Variants in ARHGAP15 observed in about 807,000 individuals in gnomAD.
ARHGAP15 encodes the protein rho GTPase-activating protein 15.
Under a neutral mutation model 63.7 loss-of-function variants are expected in ARHGAP15, and 51 were observed. That is an observed-to-expected ratio of 0.80 (90% CI 0.64 to 1.01). The LOEUF is 1.01. Among genes scored for constraint, ARHGAP15 ranks in the 50% least tolerant of loss-of-function variants. The pLI is 0.00. For synonymous variants in ARHGAP15, 191 were observed against 193.8 expected (o/e 0.99, Z 0.12); for missense variants, 560 against 564.6 (o/e 0.99, Z 0.08).
At chr2:143,286,195 T>C (rs1682089322) in intron 6 of ARHGAP15, among the ~76,000 whole-genome samples, 1 of 152,214 alleles carries the variant, frequency 6.6e-6, no homozygotes, top group Non-Finnish European at 1.5e-5. Context: ...TATTGTACTT[T>C]TAATGATGAG....
chr2:143,392,287 T>C (rs918766911), intron 6 of ARHGAP15, among the ~76,000 whole-genome samples: 4 of 152,182 alleles, frequency 2.6e-5, no homozygotes, highest in African/African-American at 7.2e-5. Flanking sequence ...TAAATAAGTA[T>C]ATAATAGAAA....
At chr2:143,318,630 A>C (rs553788244) in intron 6 of ARHGAP15, among the ~76,000 whole-genome samples, 1 of 142,910 alleles carries the variant, frequency 7.0e-6, no homozygotes, top group East Asian at 2.1e-4. Flanking sequence ...CAAGTCTTTT[A>C]ATCTTCATTG....
intron 5 of ARHGAP15, among the ~76,000 whole-genome samples, chr2:143,232,299 A>G (rs1693478068): frequency 6.6e-6 from 1 of 152,168 alleles, no homozygotes; most frequent in Non-Finnish European, 1.5e-5. Flanking sequence ...TATCAGAATA[A>G]AAGACACCCT....
intron 6 of ARHGAP15, among the ~76,000 whole-genome samples, chr2:143,411,228 A>T (rs1397139428): frequency 1.1e-5 from 1 of 90,438 alleles, no homozygotes; most frequent in Non-Finnish European, 2.4e-5. Flanking sequence ...GAAAGAAAAT[A>T]TAGTAGGAAA....
chr2:143,389,134 ATT>A (rs869247380), intron 6 of ARHGAP15, among the ~76,000 whole-genome samples: 3 of 138,576 alleles, frequency 2.2e-5, no homozygotes, highest in African/African-American at 7.8e-5. Context: ...TATTATTATT[ATT>A]TTTTATTATT....
chr2:143,758,034 T>C (rs902001949), intron 13 of ARHGAP15, among the ~76,000 whole-genome samples: 1 of 151,988 alleles, frequency 6.6e-6, no homozygotes, highest in Non-Finnish European at 1.5e-5. Flanking sequence ...TTGTCTGTAA[T>C]AGCAAAGAAT....
At chr2:143,353,989 G>T in intron 6 of ARHGAP15, among the ~76,000 whole-genome samples, 1 of 144,396 alleles carries the variant, frequency 6.9e-6, no homozygotes. Context: ...TACCTGTTCA[G>T]GTATTTTTTT....
At chr2:143,350,769 G>A (rs1440544371) in intron 6 of ARHGAP15, among the ~76,000 whole-genome samples, 5 of 147,344 alleles carry the variant, frequency 3.4e-5, no homozygotes, top group Admixed American at 6.9e-5. Flanking sequence ...AACCCAGGAG[G>A]TGGAGTGTGC....
At chr2:143,493,767 C>T (rs960633226) in intron 9 of ARHGAP15, among the ~76,000 whole-genome samples, 24 of 152,324 alleles carry the variant, frequency 1.6e-4, no homozygotes, top group Non-Finnish European at 2.6e-4. Flanking sequence ...GATCCACTGT[C>T]TTCGGCATCC....
intron 6 of ARHGAP15, among the ~76,000 whole-genome samples, chr2:143,416,986 T>C (rs982594572): frequency 3.3e-5 from 5 of 152,158 alleles, no homozygotes; most frequent in African/African-American, 1.2e-4. Context: ...GGCAGGCGTT[T>C]TCACTCTAAT....
rs899119314 is a variant in ARHGAP15 at position 143,369,625 on chromosome 2, A to G, written c.475-65976A>G. Among the ~76,000 whole-genome samples the G allele has an allele frequency of 4.6e-5, 7 of 152,162 alleles. 1 individual carries two copies. In the South Asian group the frequency reaches 6.2e-4, roughly 13 times the overall value. ...CTTCCAAAGTTTCCAATATAATTGC[A>G]GGTTGAATTTGCCATAGATAATGCA... On this transcript the variant is annotated intron_variant, in intron 6 of 13. Transcript: ENST00000295095.
At chr2:143,763,441 G>A (rs369707788) in intron 13 of ARHGAP15, among the ~76,000 whole-genome samples, 94 of 152,098 alleles carry the variant, frequency 6.2e-4, no homozygotes, top group Non-Finnish European at 1.2e-3. Flanking sequence ...ACTTTAATAT[G>A]AGAATGTATT....
At chr2:143,340,910 T>A (rs940322375) in intron 6 of ARHGAP15, among the ~76,000 whole-genome samples, 7 of 152,140 alleles carry the variant, frequency 4.6e-5, no homozygotes, top group Non-Finnish European at 7.4e-5. Flanking sequence ...AAACTATACT[T>A]GGAAAAAATA....
At chr2:143,271,359 C>T (rs545482393) in intron 6 of ARHGAP15, among the ~76,000 whole-genome samples, 29 of 152,330 alleles carry the variant, frequency 1.9e-4, no homozygotes, top group South Asian at 4.1e-4. Flanking sequence ...AATAAATCTA[C>T]CTTCCCCCTT....
intron 12 of ARHGAP15, among the ~76,000 whole-genome samples, chr2:143,640,106 C>T (rs560530247): frequency 3.0e-4 from 45 of 152,148 alleles, no homozygotes; most frequent in African/African-American, 8.4e-4. Context: ...ACGAAAATAT[C>T]GTTTTATGTC....
intron 6 of ARHGAP15, among the ~76,000 whole-genome samples, chr2:143,290,805 T>C (rs754667617): frequency 1.2e-4 from 18 of 152,094 alleles, no homozygotes; most frequent in Non-Finnish European, 2.5e-4. Flanking sequence ...AGGCTGAGGA[T>C]ACAAAAGAGA....
chr2:143,179,737 A>G (rs144533488), intron 2 of ARHGAP15, among the ~76,000 whole-genome samples: 1 of 152,222 alleles, frequency 6.6e-6, no homozygotes, highest in Non-Finnish European at 1.5e-5. Flanking sequence ...AAAATTAAAA[A>G]CAAAATTAAT....
chr2:143,453,664 C>T (rs535229295), intron 8 of ARHGAP15, among the ~76,000 whole-genome samples: 3 of 151,860 alleles, frequency 2.0e-5, no homozygotes, highest in Non-Finnish European at 4.4e-5. Context: ...GAGTGCCTTA[C>T]AGAAGGCTAT....
chr2:143,597,667 C>A (rs1369956682), intron 11 of ARHGAP15, among the ~76,000 whole-genome samples: 2 of 151,932 alleles, frequency 1.3e-5, no homozygotes, highest in Non-Finnish European at 1.5e-5. Context: ...AGCATTTACT[C>A]ACATGAGAAA....
Sources: allele counts gnomAD v4.1 joint callset (sites outside exome capture counted in the v4.1 genomes callset), GRCh38; gene constraint gnomAD v4.1.1; transcripts MANE v1.5; gene names NCBI Gene and HGNC (gene_info 2026-07-23, HGNC 2026-07-21).